NYX: variants seen among roughly 807,000 people sequenced by gnomAD.
NYX encodes the protein leucine-rich repeat protein.
For synonymous variants in NYX, 258 were observed against 245.7 expected (o/e 1.05, Z -0.47); for missense variants, 481 against 485.4 (o/e 0.99, Z 0.09).
chrX:41,474,168 G>T lies in NYX; in HGVS notation c.700G>T (p.Asp234Tyr). 3.5e-6 allele frequency: 4 copies of T among 1,152,475 alleles called. No homozygotes were observed. Among genetic ancestry groups the T allele is most frequent in the African/African-American group, 1.8e-5 (1 of 56,519 alleles). The allele number at this position is 1,152,475 out of a possible 1,213,427, so 95.0% of individuals were successfully genotyped here. A position where few individuals can be genotyped will look rare whatever the true frequency, so the allele number is the denominator to read the frequency against. ...CGTCCTGGAGCATCTGCTGCTCAAC[G>T]ACAACCTGCTGGCCGAGCTCCCGGC... ...CGVLEHLLLN[D>Y]NLLAELPADA... Residue 234 changes from aspartate to tyrosine, a missense_variant, in exon 3 of 3, where the codon GAC (aspartate) becomes TAC (tyrosine). Coordinates refer to ENST00000378220, the MANE Select transcript of NYX (RefSeq NM_001378477.3).
At position 41,472,263 on chromosome X, in the gene NYX, G is replaced by A. The variant is rs946284970; in HGVS notation, c.23-1228G>A. The A allele has an allele frequency of 9.3e-5, 99 of 1,063,598 alleles. 1 individual carries two copies. Among genetic ancestry groups the A allele is most frequent in the Non-Finnish European group, 1.3e-4 (98 of 777,880 alleles). The allele number at this position is 1,063,598 out of a possible 1,213,427, so 87.7% of individuals were successfully genotyped here. A position where few individuals can be genotyped will look rare whatever the true frequency, so the allele number is the denominator to read the frequency against. The stretch of plus-strand genomic sequence containing the variant: ...CAAAAAGGTGAACAATATCTTTATG[G>A]CTTGAAGGTATACGAAATAATGTCA... On this transcript the variant is annotated intron_variant, in intron 2 of 2. Coordinates refer to ENST00000378220, the MANE Select transcript of NYX (RefSeq NM_001378477.3).
rs777112148 is a variant in NYX at position 41,473,749 on chromosome X, C to T, written c.281C>T (p.Ser94Phe). 6.1e-6 allele frequency: 7 copies of T among 1,154,721 alleles called. No homozygotes were observed. The highest frequency in any genetic ancestry group is 2.4e-4 in the Middle Eastern group (1 of 4,215). ...CTGTCGCTGCGCCACAACAACCTGT[C>T]CTTCATCACGCCCGGCGCCTTCAAG... The part of the protein sequence containing the change: ...RRLSLRHNNL[S>F]FITPGAFKGL... The change falls in exon 3 of 3, where the codon TCC becomes TTC. Residue 94 changes from serine to phenylalanine, a missense_variant. Coordinates refer to ENST00000378220, the MANE Select transcript of NYX (RefSeq NM_001378477.3).
intron 2 of NYX, among the ~76,000 whole-genome samples, chrX:41,473,062 T>C: frequency 8.9e-6 from 1 of 111,948 alleles, no homozygotes; most frequent in African/African-American, 3.2e-5. Context: ...CCTCCCAAAG[T>C]GCTGGGATTA....
intron 2 of NYX, among the ~76,000 whole-genome samples, chrX:41,461,183 C>T (rs1253107079): frequency 9.3e-6 from 1 of 107,353 alleles, no homozygotes; most frequent in African/African-American, 3.4e-5. Context: ...CCACCCTTTC[C>T]CTCTGAGTCC....
intron 2 of NYX, among the ~76,000 whole-genome samples, chrX:41,460,881 T>C (rs1403615571): frequency 2.3e-5 from 2 of 87,545 alleles, no homozygotes; most frequent in Non-Finnish European, 4.4e-5. Context: ...TATGTATTTT[T>C]TTTTTTTTTT....
At position 41,467,230 on chromosome X, in the gene NYX, AT is replaced by A. The variant is rs1047077786; in HGVS notation, c.23-6252del. On this transcript the variant is annotated intron_variant, in intron 2 of 2. Coordinates refer to ENST00000378220, the MANE Select transcript of NYX (RefSeq NM_001378477.3). ...ATCCACATATATTATTATTAAAAGA[AT>A]TTTTTTTTGGTGCCTTGCTTTTCTG... 2.3e-3 allele frequency among the ~76,000 whole-genome samples: 251 copies of A among 110,150 alleles called. 2 individuals carry two copies. Among genetic ancestry groups the A allele is most frequent in the African/African-American group, 7.9e-3 (241 of 30,456 alleles).
chrX:41,453,076 C>A (rs1359333057), intron 2 of NYX, among the ~76,000 whole-genome samples: 1 of 112,411 alleles, frequency 8.9e-6, no homozygotes, highest in Non-Finnish European at 1.9e-5. Context: ...TTTTTGGTTT[C>A]ATAAGGCTCA....
At chrX:41,471,164 T>A (rs1010337956) in intron 2 of NYX, among the ~76,000 whole-genome samples, 2 of 111,020 alleles carry the variant, frequency 1.8e-5, no homozygotes, top group Admixed American at 1.9e-4. Context: ...CAGGCTGGAG[T>A]GCAATGGCAC....
intron 2 of NYX, among the ~76,000 whole-genome samples, chrX:41,471,829 ATG>A (rs61409933): frequency 0.25 from 19,627 of 77,624 alleles, 1,510 homozygotes; most frequent in East Asian, 0.62. Flanking sequence ...ATATATATAT[ATG>A]TATTTTTTTT....
intron 2 of NYX, among the ~76,000 whole-genome samples, chrX:41,468,194 G>A (rs1434615358): frequency 1.8e-5 from 2 of 111,101 alleles, no homozygotes; most frequent in Non-Finnish European, 3.8e-5. Flanking sequence ...TCTCATATAT[G>A]TTTTTTAAAC....
intron 2 of NYX, among the ~76,000 whole-genome samples, chrX:41,464,670 C>CATGTGTGTGTGT (rs779597303): frequency 4.9e-5 from 5 of 101,840 alleles, no homozygotes; most frequent in East Asian, 6.3e-4. Flanking sequence ...ATGGGCCGTG[C>CATGTGTGTGTGT]GTGTGTGTGT....
rs2064384073 is a variant in NYX at position 41,474,814 on chromosome X, C to G, written c.1346C>G (p.Ala449Gly). ...CTCTCCTCCCGTGGGGTGGGAGGCG[C>G]GGGCCGGCAGCCCTGGTTTCTCCTC... Reference protein sequence around the residue: ...DSLSSRGVGGAGRQPWFLLAS... With the variant: ...DSLSSRGVGGGGRQPWFLLAS... Residue 449 changes from alanine (A) to glycine (G), a missense_variant, in exon 3 of 3, where the codon GCG becomes GGG. Ala to Gly is a moderately conservative substitution (Grantham distance 60). Coordinates refer to ENST00000378220, the MANE Select transcript of NYX (RefSeq NM_001378477.3). 7 of 1,203,748 alleles carry G rather than the reference C, an allele frequency of 5.8e-6. No homozygotes were observed. Among genetic ancestry groups the G allele is most frequent in the Non-Finnish European group, 7.8e-6 (7 of 892,494 alleles).
chrX:41,458,320 C>G (rs1166106205), intron 2 of NYX, among the ~76,000 whole-genome samples: 1 of 111,900 alleles, frequency 8.9e-6, no homozygotes, highest in Non-Finnish European at 1.9e-5. Flanking sequence ...GGAGATAGTA[C>G]AGTATAGTGA....
At chrX:41,464,820 C>T (rs1020840726) in intron 2 of NYX, among the ~76,000 whole-genome samples, 13 of 110,074 alleles carry the variant, frequency 1.2e-4, no homozygotes, top group Middle Eastern at 9.3e-3. Context: ...GTATATTAGT[C>T]TAATTGCTTG....
At chrX:41,451,774 A>G (rs1361608881) in intron 2 of NYX, among the ~76,000 whole-genome samples, 1 of 111,074 alleles carries the variant, frequency 9.0e-6, no homozygotes, top group Non-Finnish European at 1.9e-5. Context: ...TCGGCCTCCC[A>G]AAGTGCTGGG....
Position 41,475,002 on chromosome X carries a change from G to A in NYX, c.*103G>A, listed in dbSNP as rs750048192. The A allele has an allele frequency of 9.3e-4, 732 of 786,606 alleles. 1 individual carries two copies. Among genetic ancestry groups the A allele is most frequent in the Non-Finnish European group, 1.1e-3 (609 of 534,678 alleles). The allele number at this position is 786,606 out of a possible 1,213,427, so 64.8% of individuals were successfully genotyped here. On this transcript the variant is annotated 3_prime_UTR_variant, in exon 3 of 3. Transcript: ENST00000378220. ...GCAGAGGTGAAAATCCCAGTGGAGGGTGGAAGGAACCGTTTGCCTCCAGAG... is the reference window on the plus strand; with the variant it reads ...GCAGAGGTGAAAATCCCAGTGGAGGATGGAAGGAACCGTTTGCCTCCAGAG...
At chrX:41,449,057 T>C (rs930740694) in intron 2 of NYX, among the ~76,000 whole-genome samples, 2 of 112,118 alleles carry the variant, frequency 1.8e-5, no homozygotes, top group Non-Finnish European at 3.8e-5. Flanking sequence ...CGTTATGAAA[T>C]ATTTTCCCTG....
chrX:41,453,132 CTG>C (rs2064286775), intron 2 of NYX, among the ~76,000 whole-genome samples: 1 of 112,586 alleles, frequency 8.9e-6, no homozygotes, highest in Non-Finnish European at 1.9e-5. Context: ...CAATCTCAGT[CTG>C]TGGTTGGAAA....
intron 2 of NYX, among the ~76,000 whole-genome samples, chrX:41,466,317 G>A (rs1470408160): frequency 2.0e-5 from 2 of 101,711 alleles, no homozygotes; most frequent in African/African-American, 7.2e-5. Flanking sequence ...CTACTTGGGA[G>A]GCTGAGGTGG....
Sources: allele counts gnomAD v4.1 joint callset (sites outside exome capture counted in the v4.1 genomes callset), GRCh38; gene constraint gnomAD v4.1.1; transcripts MANE v1.5; gene names NCBI Gene and HGNC (gene_info 2026-07-23, HGNC 2026-07-21).